Variants in KBTBD8 observed in about 807,000 individuals in gnomAD.
KBTBD8 encodes kelch repeat and BTB domain-containing protein 8.
A neutral mutation model predicts 53.5 loss-of-function variants in KBTBD8; 31 were observed. The ratio of observed to expected loss-of-function variants is 0.58; its 90% confidence interval spans 0.44 to 0.78. The LOEUF (loss-of-function observed/expected upper bound fraction) is 0.78. Among genes scored for constraint, KBTBD8 ranks in the 30% least tolerant of loss-of-function variants. KBTBD8 has a pLI of 0.00. For missense variants in KBTBD8, 642 were observed against 735.8 expected (o/e 0.87, Z 1.48); for synonymous variants, 250 against 247.3 (o/e 1.01, Z -0.10).
In KBTBD8 at chr3:67,008,113, A is replaced by G; in HGVS notation, c.1534A>G (p.Lys512Glu). ...YDIELNKWTRKKDFPCDQSIN... is the reference protein window; with the variant it reads ...YDIELNKWTREKDFPCDQSIN... Reference sequence around the variant, plus strand: ...TATTGAGCTAAATAAATGGACTCGTAAGAAAGACTTTCCATGTGATCAGTC... The same window carrying G: ...TATTGAGCTAAATAAATGGACTCGTGAGAAAGACTTTCCATGTGATCAGTC... Residue 512 changes from lysine to glutamate, a missense_variant, in exon 4 of 4, where the codon AAG becomes GAG. Transcript: ENST00000417314. The G allele has an allele frequency of 1.9e-6, 3 of 1,614,112 alleles. No individual in the cohort carries two copies. The highest frequency in any genetic ancestry group is 2.5e-6 in the Non-Finnish European group (3 of 1,179,992).
Position 67,009,826 on chromosome 3 carries a change from C to T in KBTBD8, c.*1441C>T, listed in dbSNP as rs1235768926. 1 of 152,562 alleles carries T rather than the reference C, an allele frequency of 6.6e-6. No homozygotes were observed. The highest frequency in any genetic ancestry group is 1.5e-5 in the Non-Finnish European group (1 of 68,000). 9.5% of individuals were successfully genotyped at this position (152,562 alleles called of 1,614,324 possible). A position where few individuals can be genotyped will look rare whatever the true frequency, so the allele number is the denominator to read the frequency against. Reference sequence around the variant, plus strand: ...GTATAAGCATAGGACAGATTTTGCCCTCAATCACAATATTTGTATTCACTT... The same window carrying T: ...GTATAAGCATAGGACAGATTTTGCCTTCAATCACAATATTTGTATTCACTT... On this transcript the variant is annotated 3_prime_UTR_variant, in exon 4 of 4. Transcript: ENST00000417314.
chr3:67,010,626 A>G lies in KBTBD8; in HGVS notation c.*2241A>G, dbSNP rs1191722431. 6.6e-6 allele frequency: 1 copy of G among 152,596 alleles called. No homozygotes were observed. The highest frequency in any genetic ancestry group is 1.5e-5 in the Non-Finnish European group (1 of 68,012). 9.5% of individuals were successfully genotyped at this position (152,596 alleles called of 1,614,324 possible). A position where few individuals can be genotyped will look rare whatever the true frequency, so the allele number is the denominator to read the frequency against. ...GAAGAACTATTTGTTTAAATTATAT[A>G]GCTGGGATATTTTGCCACTGTTAAA... On this transcript the variant is annotated 3_prime_UTR_variant, in exon 4 of 4. Coordinates refer to ENST00000417314, the MANE Select transcript of KBTBD8 (RefSeq NM_032505.3).
At position 67,008,201 on chromosome 3, in the gene KBTBD8, C is replaced by T; in HGVS notation, c.1622C>T (p.Thr541Ile). 6.2e-7 allele frequency: 1 copy of T among 1,614,150 alleles called. No individual in the cohort carries two copies. The highest frequency in any genetic ancestry group is 8.5e-7 in the Non-Finnish European group (1 of 1,180,026). The change falls in exon 4 of 4, where the codon ACT (threonine) becomes ATT (isoleucine). Residue 541 changes from threonine (T) to isoleucine (I), a missense_variant. Transcript: ENST00000417314. ...AAACTCCATTTATTTGTTCGAGCTA[C>T]TCAAGTGACTGTTGAAGAACACGTC... is the stretch of plus-strand genomic sequence containing the variant. Reference protein sequence around the residue: ...QNKLHLFVRATQVTVEEHVFR... With the variant: ...QNKLHLFVRAIQVTVEEHVFR...
rs768634315 is a variant in KBTBD8 at position 67,004,087 on chromosome 3, C to T, written c.1120C>T (p.Pro374Ser). ...DHSTNRWLSK[P>S]SLLRARIGCK... ...TTCCACCAATAGATGGCTATCCAAACCATCCTTGCTTCGAGCCAGAATAGG... is the reference window on the plus strand; with the variant it reads ...TTCCACCAATAGATGGCTATCCAAATCATCCTTGCTTCGAGCCAGAATAGG... Residue 374 changes from proline (P) to serine (S), a missense_variant, in exon 3 of 4, where the codon CCA becomes TCA. Physicochemically the swap from Pro to Ser is moderately conservative, Grantham distance 74 (BLOSUM62 -1). Coordinates refer to ENST00000417314, the MANE Select transcript of KBTBD8 (RefSeq NM_032505.3). 6.2e-7 allele frequency: 1 copy of T among 1,614,204 alleles called. No individual in the cohort carries two copies. Among genetic ancestry groups the T allele is most frequent in the East Asian group, 2.2e-5 (1 of 44,880 alleles).
rs1575578015 is a variant in KBTBD8, at chr3:66,998,380, T to G, written c.16+9T>G. 7.9e-7 allele frequency: 1 copy of G among 1,272,134 alleles called. No individual in the cohort carries two copies. Among genetic ancestry groups the G allele is most frequent in the South Asian group, 2.9e-5 (1 of 34,438 alleles). 78.8% of individuals were successfully genotyped at this position (1,272,134 alleles called of 1,614,324 possible). A position where few individuals can be genotyped will look rare whatever the true frequency, so the allele number is the denominator to read the frequency against. ...AATGGCCGCGTCGGCAGGTGGGTCG[T>G]GTGGTGGCCAGGGCGGCGTGGAGGG... On this transcript the variant is annotated intron_variant, in intron 1 of 3. Coordinates refer to ENST00000417314, the MANE Select transcript of KBTBD8 (RefSeq NM_032505.3).
At chr3:67,001,800 G>C (rs1426537086) in intron 2 of KBTBD8, among the ~76,000 whole-genome samples, 1 of 152,154 alleles carries the variant, frequency 6.6e-6, no homozygotes, top group Admixed American at 6.5e-5. Context: ...TGTACCTCCA[G>C]TGTTTCTCAT....
At chr3:66,998,468 G>A (rs1701982557) in intron 1 of KBTBD8, 97 bp downstream of exon 1, 1 of 962,390 alleles carries the variant, frequency 1.0e-6, no homozygotes, top group African/African-American at 1.7e-5. Context: ...TAGCGGTGCG[G>A]AGCTAGAGGG....
At chr3:67,000,684 A>G (rs536502425) in intron 2 of KBTBD8, among the ~76,000 whole-genome samples, 1 of 152,144 alleles carries the variant, frequency 6.6e-6, no homozygotes, top group Admixed American at 6.5e-5. Context: ...CCTTTAAAAC[A>G]TTTTTATTGT....
chr3:67,006,385 C>T (rs963095897), intron 3 of KBTBD8, among the ~76,000 whole-genome samples: 2 of 152,176 alleles, frequency 1.3e-5, no homozygotes, highest in South Asian at 4.2e-4. Context: ...GACTCTGAAG[C>T]CCTAAGGGTT....
chr3:67,008,100 T>C lies in KBTBD8; in HGVS notation c.1521T>C (p.Asn507=), dbSNP rs565525319. 3.7e-6 allele frequency: 6 copies of C among 1,614,138 alleles called. No individual in the cohort carries two copies. In the African/African-American group the frequency reaches 8.0e-5, roughly 22 times the overall value. Residue 507 remains asparagine, a synonymous_variant, in exon 4 of 4, where the codon AAT becomes AAC. Transcript: ENST00000417314. ...FTVEAYDIEL[N]KWTRKKDFPC... is the part of the protein sequence containing the mutation. ...TAGAAGCCTATGATATTGAGCTAAA[T>C]AAATGGACTCGTAAGAAAGACTTTC...
chr3:67,004,711 T>C (rs1040473316), intron 3 of KBTBD8, among the ~76,000 whole-genome samples: 18 of 152,350 alleles, frequency 1.2e-4, no homozygotes, highest in Admixed American at 9.8e-4. Flanking sequence ...TTGTAGCAAC[T>C]GGTATTCTGT....
rs1454002390 is a variant in KBTBD8, at chr3:67,011,152, T to G, written c.*2767T>G. 2 of 152,618 alleles carry G rather than the reference T, an allele frequency of 1.3e-5. No individual in the cohort carries two copies. Among genetic ancestry groups the G allele is most frequent in the Non-Finnish European group, 2.9e-5 (2 of 68,022 alleles). The allele number at this position is 152,618 out of a possible 1,614,324, so 9.5% of individuals were successfully genotyped here. A position where few individuals can be genotyped will look rare whatever the true frequency, so the allele number is the denominator to read the frequency against. On this transcript the variant is annotated 3_prime_UTR_variant, in exon 4 of 4. Coordinates refer to ENST00000417314, the MANE Select transcript of KBTBD8 (RefSeq NM_032505.3). Reference sequence around the variant, plus strand: ...AAACATTTTGCCATAATTGCACAATTTTTTGCATTTTTACCTGATGTCATT... The same window carrying G: ...AAACATTTTGCCATAATTGCACAATGTTTTGCATTTTTACCTGATGTCATT...
chr3:67,003,134 C>G, intron 2 of KBTBD8, 61 bp from the exon 3 acceptor site: 2 of 1,493,616 alleles, frequency 1.3e-6, no homozygotes, highest in South Asian at 1.3e-5. Context: ...CTTTTAAAAT[C>G]TTGCCACAAT....
rs1295699527 is a variant in KBTBD8 at position 67,003,577 on chromosome 3, G to A, written c.610G>A (p.Asp204Asn). 12 of 1,613,882 alleles carry A rather than the reference G, an allele frequency of 7.4e-6. No individual in the cohort carries two copies. Among genetic ancestry groups the A allele is most frequent in the East Asian group, 2.2e-5 (1 of 44,868 alleles). ...ACTGATAAGTATACTAGACAGTGAC[G>A]ATTTAAATGTAGACCGAGAAGAGCA... ...DQLISILDSD[D>N]LNVDREEHVY... The change falls in exon 3 of 4, where the codon GAT becomes AAT. Residue 204 changes from aspartate to asparagine, a missense_variant. Asp to Asn is a conservative substitution (Grantham distance 23, BLOSUM62 1). Transcript: ENST00000417314.
intron 3 of KBTBD8, among the ~76,000 whole-genome samples, chr3:67,007,628 C>T (rs1476212304): frequency 6.6e-6 from 1 of 152,032 alleles, no homozygotes; most frequent in East Asian, 1.9e-4. Context: ...CAGAATCAAG[C>T]TCTTAACAAT....
intron 1 of KBTBD8, 125 bp from the exon 2 acceptor site, chr3:66,998,856 C>T: frequency 1.3e-6 from 1 of 741,502 alleles, no homozygotes. Context: ...TGCGTATATC[C>T]ACAGACATTT....
At chr3:67,006,232 G>A (rs1236675221) in intron 3 of KBTBD8, among the ~76,000 whole-genome samples, 1 of 152,178 alleles carries the variant, frequency 6.6e-6, no homozygotes, top group African/African-American at 2.4e-5. Context: ...CTGTTAGTTG[G>A]TAGAGGTAGA....
At chr3:67,005,954 T>C (rs1178353533) in intron 3 of KBTBD8, among the ~76,000 whole-genome samples, 1 of 152,172 alleles carries the variant, frequency 6.6e-6, no homozygotes, top group African/African-American at 2.4e-5. Context: ...TTCCTTGCTC[T>C]AATCCTTTAT....
At position 67,003,588 on chromosome 3, in the gene KBTBD8, A is replaced by G; in HGVS notation, c.621A>G (p.Val207=). ...TACTAGACAGTGACGATTTAAATGT[A>G]GACCGAGAAGAGCATGTTTATGAAA... ...ISILDSDDLN[V]DREEHVYESI... The change falls in exon 3 of 4, where the codon GTA becomes GTG. Residue 207 remains valine, a synonymous_variant. Transcript: ENST00000417314. The G allele has an allele frequency of 8.7e-6, 14 of 1,613,938 alleles. No homozygotes were observed. The highest frequency in any genetic ancestry group is 1.2e-5 in the Non-Finnish European group (14 of 1,179,830).
Sources: gnomAD v4.1 joint callset for allele counts (sites outside exome capture counted in the v4.1 genomes callset) on GRCh38, gnomAD v4.1.1 for gene constraint, MANE v1.5 for transcripts, NCBI Gene and HGNC (gene_info 2026-07-23, HGNC 2026-07-21) for gene names.